Variants in KDM5A observed in about 807,000 individuals in gnomAD.
KDM5A encodes lysine-specific demethylase 5A.
In KDM5A, 42 loss-of-function variants were observed where a neutral mutation model predicts 193.5. The ratio of observed to expected loss-of-function variants is 0.22; its 90% CI spans 0.17 to 0.28. KDM5A has a LOEUF of 0.28. KDM5A is among the 10% of genes least tolerant of loss of function. The probability of loss-of-function intolerance (pLI) is 1.00; values close to 1 mark genes in which losing one functional copy is unlikely to be tolerated. For missense variants in KDM5A, 1,692 were observed against 2,055.1 expected (o/e 0.82, Z 3.42); for synonymous variants, 796 against 718.1 (o/e 1.11, Z -1.73).
chr12:284,712 T>C lies in KDM5A; in HGVS notation c.*744A>G, dbSNP rs1180964854. Reference sequence around the variant, plus strand: ...AATGTAGACCCAAGACAGCAAGACTTTTCAAAGCCAAAAAACGGCTCCTTG... The same window carrying C: ...AATGTAGACCCAAGACAGCAAGACTCTTCAAAGCCAAAAAACGGCTCCTTG... On this transcript the variant is annotated 3_prime_UTR_variant, in exon 28 of 28. Transcript: ENST00000399788. 4.3e-6 allele frequency: 1 copy of C among 233,074 alleles called. No individual in the cohort carries two copies. 14.4% of individuals were successfully genotyped at this position (233,074 alleles called of 1,614,324 possible).
At chr12:351,560 T>G (rs887311) in intron 9 of KDM5A, among the ~76,000 whole-genome samples, 95,355 of 151,914 alleles carry the variant, frequency 0.63, 30,917 homozygotes, top group Middle Eastern at 0.73. Context: ...TAAGATATCC[T>G]AGGAAAAGAA....
chr12:335,057 C>T (rs1943911858), intron 10 of KDM5A, among the ~76,000 whole-genome samples: 1 of 151,376 alleles, frequency 6.6e-6, no homozygotes, highest in African/African-American at 2.4e-5. Flanking sequence ...AAGTCACCAC[C>T]ATCACTCCTA....
intron 1 of KDM5A, among the ~76,000 whole-genome samples, 185 bp downstream of exon 1, chr12:388,742 G>A (rs548507590): frequency 2.0e-5 from 3 of 152,146 alleles, no homozygotes; most frequent in African/African-American, 4.8e-5. Flanking sequence ...CCACTTTCTC[G>A]CTTTCAGACG....
At chr12:292,726 T>C (rs768886627) in intron 27 of KDM5A, 33 bp downstream of exon 27, 9 of 1,614,104 alleles carry the variant, frequency 5.6e-6, no homozygotes, top group East Asian at 2.2e-5. Context: ...CTCCTTGACC[T>C]CTCATGCTTG....
At chr12:371,728 G>A (rs1176303655) in intron 3 of KDM5A, among the ~76,000 whole-genome samples, 1 of 152,014 alleles carries the variant, frequency 6.6e-6, no homozygotes, top group Non-Finnish European at 1.5e-5. Flanking sequence ...GGGTTTTTAT[G>A]GTTTTAGGTC....
At position 344,569 on chromosome 12, in the gene KDM5A, C is replaced by T. The variant is rs1389557524; in HGVS notation, c.1308+6052G>A. 3.3e-5 allele frequency among the ~76,000 whole-genome samples: 5 copies of T among 152,306 alleles called. No homozygotes were observed. In the East Asian group the frequency reaches 9.6e-4, roughly 29 times the overall value. On this transcript the variant is annotated intron_variant, in intron 10 of 27. Transcript: ENST00000399788. ...CCCATCAGACTAACAGCGGATCTCT[C>T]GGCAGAAACCCTACAAGCCAGAAGA...
At chr12:353,504 TAAGTC>T (rs1198457074) in intron 8 of KDM5A, among the ~76,000 whole-genome samples, 1 of 152,178 alleles carries the variant, frequency 6.6e-6, no homozygotes, top group Non-Finnish European at 1.5e-5. Flanking sequence ...ATATTTATTC[TAAGTC>T]AAGTCTCATT....
intron 19 of KDM5A, among the ~76,000 whole-genome samples, chr12:314,673 A>C (rs1943628958): frequency 6.6e-6 from 1 of 152,170 alleles, no homozygotes. Context: ...ATCCTTTCTG[A>C]ACAAGACTTA....
At chr12:355,051 T>C (rs1175492120) in intron 7 of KDM5A, 107 bp downstream of exon 7, 3 of 767,916 alleles carry the variant, frequency 3.9e-6, no homozygotes, top group African/African-American at 1.7e-5. Context: ...TCAAGTCTTC[T>C]AACCAAACGA....
At chr12:384,209 C>G in intron 2 of KDM5A, 56 bp from the exon 3 acceptor site, 2 of 1,371,196 alleles carry the variant, frequency 1.5e-6, no homozygotes, top group South Asian at 2.3e-5. Context: ...ATAAGAATAA[C>G]AGAGCAGGGG....
chr12:297,522 T>C (rs1486956352), intron 24 of KDM5A, among the ~76,000 whole-genome samples: 1 of 152,160 alleles, frequency 6.6e-6, no homozygotes, highest in East Asian at 1.9e-4. Context: ...ACAAACCCAT[T>C]AAGATTTTCA....
chr12:301,176 C>T (rs556210091), intron 24 of KDM5A, among the ~76,000 whole-genome samples: 2 of 152,280 alleles, frequency 1.3e-5, no homozygotes, highest in Non-Finnish European at 2.9e-5. Context: ...TAACTCATTT[C>T]ATGAGGCCAG....
intron 3 of KDM5A, among the ~76,000 whole-genome samples, chr12:376,106 C>A (rs1016331922): frequency 6.6e-6 from 1 of 152,238 alleles, no homozygotes; most frequent in Admixed American, 6.5e-5. Context: ...CTCTTCAAGG[C>A]TGTCAGACAG....
Position 322,180 on chromosome 12 carries a change from C to T in KDM5A, c.2426+237G>A, listed in dbSNP as rs949886415. 5 of 536,312 alleles carry T rather than the reference C, an allele frequency of 9.3e-6. No individual in the cohort carries two copies. In the African/African-American group the frequency reaches 9.5e-5, roughly 10 times the overall value. 33.2% of individuals were successfully genotyped at this position (536,312 alleles called of 1,614,324 possible). A position where few individuals can be genotyped will look rare whatever the true frequency, so the allele number is the denominator to read the frequency against. Reference sequence around the variant, plus strand: ...AAGCAGAGTAAAGAGAGCATGAAGTCCTAAGCAAAAATGTGCCTGCTATGT... The same window carrying T: ...AAGCAGAGTAAAGAGAGCATGAAGTTCTAAGCAAAAATGTGCCTGCTATGT... On this transcript the variant is annotated intron_variant, in intron 17 of 27. Coordinates refer to ENST00000399788, the MANE Select transcript of KDM5A (RefSeq NM_001042603.3).
At chr12:388,774 G>A (rs948729730) in intron 1 of KDM5A, among the ~76,000 whole-genome samples, 153 bp downstream of exon 1, 1 of 152,164 alleles carries the variant, frequency 6.6e-6, no homozygotes, top group East Asian at 1.9e-4. Flanking sequence ...GACCACAAAA[G>A]AAACCGAGGC....
intron 13 of KDM5A, among the ~76,000 whole-genome samples, chr12:329,498 G>GA (rs1453029283): frequency 6.7e-6 from 1 of 150,374 alleles, no homozygotes; most frequent in South Asian, 2.1e-4. Context: ...AAAAAAAAAA[G>GA]AAAAAAATAG....
In KDM5A at chr12:350,787, G is replaced by A. The variant is rs1420956228; in HGVS notation, c.1150-8C>T. ...TAGTTCTGTGGGAACCATCTACACA[G>A]GGAAAAAAAAGATGACAAATTATTA... On this transcript the variant is annotated splice_polypyrimidine_tract_variant and splice_region_variant and intron_variant, in intron 9 of 27. Transcript: ENST00000399788. The A allele has an allele frequency of 1.2e-6, 2 of 1,612,538 alleles. No homozygotes were observed. Among genetic ancestry groups the A allele is most frequent in the South Asian group, 1.1e-5 (1 of 91,020 alleles).
intron 2 of KDM5A, among the ~76,000 whole-genome samples, chr12:385,496 TAAAACC>T (rs1016463359): frequency 7.2e-5 from 11 of 152,004 alleles, no homozygotes; most frequent in East Asian, 3.8e-4. Context: ...AAAGTTCCAT[TAAAACC>T]AAAACCAAAA....
At chr12:386,276 A>G (rs1461233116) in intron 1 of KDM5A, among the ~76,000 whole-genome samples, 1 of 152,344 alleles carries the variant, frequency 6.6e-6, no homozygotes, top group Middle Eastern at 3.4e-3. Context: ...CCTAAATACA[A>G]AATTCTTTTG....
Sources: allele counts gnomAD v4.1 joint callset (sites outside exome capture counted in the v4.1 genomes callset), GRCh38; gene constraint gnomAD v4.1.1; transcripts MANE v1.5; gene names NCBI Gene and HGNC (gene_info 2026-07-23, HGNC 2026-07-21).